ADGB: variants seen among roughly 807,000 people sequenced by gnomAD.
The protein encoded by ADGB is calpain-7-like protein.
Under a neutral mutation model 210.5 loss-of-function variants are expected in ADGB, and 172 were observed. That is an observed-to-expected ratio of 0.82 (90% CI 0.72 to 0.93). The LOEUF (loss-of-function observed/expected upper bound fraction) is 0.93. ADGB is among the 40% of genes least tolerant of loss of function. ADGB has a pLI of 0.00. For synonymous variants in ADGB, 658 were observed against 662.7 expected (o/e 0.99, Z 0.11); for missense variants, 2,025 against 1,964.8 (o/e 1.03, Z -0.58).
At chr6:146,635,699 G>T (rs559264308) in intron 2 of ADGB, among the ~76,000 whole-genome samples, 162 bp downstream of exon 2, 1 of 151,990 alleles carries the variant, frequency 6.6e-6, no homozygotes, top group African/African-American at 2.4e-5. Flanking sequence ...CTCCCACTTT[G>T]TCTTTCCAAG....
rs371888975 is a variant in ADGB at position 146,796,878 on chromosome 6, C to A, written c.4538-4305C>A. On this transcript the variant is annotated intron_variant, in intron 33 of 35. Transcript: ENST00000397944. ...ATTAAACTAAAAAGCTTCAGCACAG[C>A]AAAAGAAATAATCAGCAGAGTAAAC... is the stretch of plus-strand genomic sequence containing the variant. Among the ~76,000 whole-genome samples, 199 of 152,216 alleles carry A rather than the reference C, an allele frequency of 1.3e-3. 4 individuals carry two copies. The South Asian group carries it at 0.018, about 13-fold the overall frequency.
At position 146,782,049 on chromosome 6, in the gene ADGB, A is replaced by G; in HGVS notation, c.3892A>G (p.Asn1298Asp). The G allele has an allele frequency of 1.3e-6, 2 of 1,511,140 alleles. No homozygotes were observed. The highest frequency in any genetic ancestry group is 1.8e-6 in the Non-Finnish European group (2 of 1,134,340). 93.6% of individuals were successfully genotyped at this position (1,511,140 alleles called of 1,614,324 possible). ...TGGTGAAAGACACGAGGAGTTAATT[A>G]ACTTAGGAAGCCCAGACTCCCACAC... ...AYGERHEELI[N>D]LGSPDSHTIS... The change falls in exon 30 of 36, where the codon AAC becomes GAC. Residue 1298 changes from asparagine to aspartate, a missense_variant. Asn to Asp is a conservative substitution (Grantham distance 23). Transcript: ENST00000397944.
At chr6:146,809,840 G>A (rs1004093937) in intron 35 of ADGB, among the ~76,000 whole-genome samples, 3 of 152,078 alleles carry the variant, frequency 2.0e-5, no homozygotes, top group African/African-American at 7.2e-5. Context: ...TGTAACATTG[G>A]AACTCATAAA....
chr6:146,600,083 C>T (rs1182846325), intron 1 of ADGB, among the ~76,000 whole-genome samples: 3 of 152,088 alleles, frequency 2.0e-5, no homozygotes, highest in Non-Finnish European at 4.4e-5. Flanking sequence ...GAATTCTTCT[C>T]CCAGACTCAT....
intron 26 of ADGB, among the ~76,000 whole-genome samples, chr6:146,747,593 C>A (rs1229937833): frequency 2.0e-5 from 3 of 151,850 alleles, no homozygotes; most frequent in Non-Finnish European, 4.4e-5. Flanking sequence ...GTAGTAAGAC[C>A]AGAAAGTCAG....
At chr6:146,710,874 T>C (rs1317254909) in intron 13 of ADGB, among the ~76,000 whole-genome samples, 1 of 152,156 alleles carries the variant, frequency 6.6e-6, no homozygotes, top group Non-Finnish European at 1.5e-5. Context: ...TAATTCTAAA[T>C]AGTAGGCTTC....
At chr6:146,748,866 C>T (rs909455454) in intron 26 of ADGB, among the ~76,000 whole-genome samples, 11 of 152,166 alleles carry the variant, frequency 7.2e-5, no homozygotes, top group Admixed American at 3.3e-4. Context: ...AGGCATGAGC[C>T]ACAGTGCTCA....
chr6:146,781,178 A>AG (rs1232376624), intron 29 of ADGB, among the ~76,000 whole-genome samples: 1 of 142,866 alleles, frequency 7.0e-6, no homozygotes, highest in Non-Finnish European at 1.5e-5. Flanking sequence ...ATACAAAAAA[A>AG]AAAAAAAAAA....
At chr6:146,671,737 C>T in intron 7 of ADGB, among the ~76,000 whole-genome samples, 1 of 152,066 alleles carries the variant, frequency 6.6e-6, no homozygotes, top group East Asian at 1.9e-4. Context: ...AAGGAGTCTG[C>T]AAGTAATTTC....
intron 31 of ADGB, 52 bp downstream of exon 31, chr6:146,784,846 C>T: frequency 6.7e-7 from 1 of 1,484,428 alleles, no homozygotes; most frequent in Non-Finnish European, 9.0e-7. Context: ...CTTAGGCATG[C>T]TCTGAAAAAA....
intron 26 of ADGB, among the ~76,000 whole-genome samples, chr6:146,749,338 G>A (rs1777286976): frequency 1.3e-5 from 2 of 152,140 alleles, no homozygotes. Flanking sequence ...TTCTGTTACT[G>A]CTCATGGAAG....
At chr6:146,638,618 G>A (rs58828753) in intron 2 of ADGB, among the ~76,000 whole-genome samples, 5 of 27,078 alleles carry the variant, frequency 1.8e-4, no homozygotes, top group South Asian at 1.4e-3. Context: ...GTGGGGGGGG[G>A]GGGGAGGGAT....
intron 8 of ADGB, among the ~76,000 whole-genome samples, chr6:146,673,113 T>G (rs750563050): frequency 2.8e-4 from 43 of 152,198 alleles, no homozygotes; most frequent in Non-Finnish European, 8.8e-5. Flanking sequence ...AATGTAGTAT[T>G]CTGTTGATTT....
chr6:146,803,342 C>A, intron 35 of ADGB: 2 of 1,607,310 alleles, frequency 1.2e-6, no homozygotes, highest in Non-Finnish European at 1.7e-6. Flanking sequence ...TGGAGTTAAC[C>A]AAATATGTTC....
At position 146,781,437 on chromosome 6, in the gene ADGB, T is replaced by C. The variant is rs371452011; in HGVS notation, c.3863-583T>C. ...CTTAACCAATGGAACAGAGAAGAAA[T>C]CACAAGAGAAATTAAGAAATTCTTA... On this transcript the variant is annotated intron_variant, in intron 29 of 35. Coordinates refer to ENST00000397944, the MANE Select transcript of ADGB (RefSeq NM_024694.4). Among the ~76,000 whole-genome samples the C allele has an allele frequency of 2.8e-4, 40 of 143,794 alleles. 2 individuals carry two copies. In the East Asian group the frequency reaches 7.4e-3, roughly 27 times the overall value. The allele number at this position is 143,794 out of a possible 152,430, so 94.3% of individuals were successfully genotyped here.
At chr6:146,691,449 T>TAAA (rs71031006) in intron 11 of ADGB, among the ~76,000 whole-genome samples, 159 bp downstream of exon 11, 27,167 of 55,480 alleles carry the variant, frequency 0.49, 8,288 homozygotes, top group East Asian at 0.61. Flanking sequence ...TATAAAAATA[T>TAAA]ATATATATAA....
chr6:146,699,331 A>G (rs915216608), intron 12 of ADGB, among the ~76,000 whole-genome samples: 1 of 152,136 alleles, frequency 6.6e-6, no homozygotes. Flanking sequence ...GTCTGAAGAC[A>G]AAGGTAACGA....
intron 33 of ADGB, among the ~76,000 whole-genome samples, chr6:146,800,097 C>T (rs946894842): frequency 2.0e-5 from 3 of 151,886 alleles, no homozygotes; most frequent in South Asian, 2.1e-4. Flanking sequence ...CGTGAGCCAC[C>T]GCGCCCGGCC....
chr6:146,724,434 A>G, intron 18 of ADGB, 107 bp downstream of exon 18: 1 of 1,206,920 alleles, frequency 8.3e-7, no homozygotes, highest in Non-Finnish European at 1.1e-6. Flanking sequence ...TGTTTCTCAA[A>G]GCAATTTCTC....
Sources: gnomAD v4.1 joint callset for allele counts (sites outside exome capture counted in the v4.1 genomes callset) on GRCh38, gnomAD v4.1.1 for gene constraint, MANE v1.5 for transcripts, NCBI Gene and HGNC (gene_info 2026-07-23, HGNC 2026-07-21) for gene names.